The following GPR160 variants were observed in gnomAD, a reference collection of about 807,000 sequenced individuals.
GPR160 encodes G protein-coupled receptor 160.
In GPR160, 2 loss-of-function variants were observed where a neutral mutation model predicts 2.6. The observed-to-expected ratio is 0.77, with a 90% CI of 0.32 to 2.44. GPR160 has a LOEUF of 2.44. Ranked by LOEUF, GPR160 falls within the 30% of genes most tolerant of loss-of-function variation. The pLI is 0.11. For missense variants in GPR160, 351 were observed against 383.6 expected (o/e 0.91, Z 0.71); for synonymous variants, 130 against 132.2 (o/e 0.98, Z 0.12).
Position 170,084,602 on chromosome 3 carries a change from T to TATCA in GPR160, c.631_634dup (p.Arg212AsnfsTer9), listed in dbSNP as rs746801516. 18 of 1,612,986 alleles carry TATCA rather than the reference T, an allele frequency of 1.1e-5. No homozygotes were observed. The highest frequency in any genetic ancestry group is 1.4e-5 in the Non-Finnish European group (17 of 1,179,078). ...AAGAAGTTACTACTTTGGTACAGGC[T>TATCA]ATCAGGATAACTTCCTATATGAATG... On this transcript the variant is annotated frameshift_variant, in exon 4 of 4. Transcript: ENST00000355897. LOFTEE classifies it low-confidence loss of function (END_TRUNC).
chr3:170,062,605 A>C, intron 2 of GPR160: 1 of 1,238,866 alleles, frequency 8.1e-7, no homozygotes, highest in Non-Finnish European at 1.2e-6. Context: ...GTGAAGCAGC[A>C]GAACTTCCAA....
At chr3:170,070,262 C>T (rs1712528240) in intron 2 of GPR160, among the ~76,000 whole-genome samples, 6 of 152,110 alleles carry the variant, frequency 3.9e-5, no homozygotes. Context: ...AAATTGTAAT[C>T]CTATAGAGCA....
intron 2 of GPR160, among the ~76,000 whole-genome samples, chr3:170,052,484 T>A (rs771077200): frequency 5.3e-5 from 8 of 152,276 alleles, no homozygotes; most frequent in Admixed American, 1.3e-4. Context: ...TAACTAATGA[T>A]GTTGAGTACC....
At chr3:170,049,027 T>G (rs1286952151) in intron 2 of GPR160, among the ~76,000 whole-genome samples, 2 of 152,220 alleles carry the variant, frequency 1.3e-5, no homozygotes. Flanking sequence ...ACGTACATTT[T>G]TCCTATTTCC....
intron 2 of GPR160, chr3:170,063,021 A>G (rs1018388514): frequency 1.0e-5 from 2 of 191,700 alleles, no homozygotes; most frequent in African/African-American, 4.7e-5. Flanking sequence ...ACCGCACTCC[A>G]TCCTGGGAGG....
chr3:170,085,033 A>G lies in GPR160; in HGVS notation c.*44A>G. On this transcript the variant is annotated 3_prime_UTR_variant, in exon 4 of 4. Coordinates refer to ENST00000355897, the MANE Select transcript of GPR160 (RefSeq NM_014373.3). ...ACAGCTGTCATAAGATCATAATTTT[A>G]TGAACAGAAAGAACTCAGGACATAT... The G allele has an allele frequency of 9.1e-7, 1 of 1,094,664 alleles. No individual in the cohort carries two copies. Among genetic ancestry groups the G allele is most frequent in the Non-Finnish European group, 1.3e-6 (1 of 780,286 alleles). The allele number at this position is 1,094,664 out of a possible 1,614,324, so 67.8% of individuals were successfully genotyped here.
intron 2 of GPR160, among the ~76,000 whole-genome samples, chr3:170,049,425 T>G (rs188233790): frequency 6.6e-6 from 1 of 152,352 alleles, no homozygotes; most frequent in East Asian, 1.9e-4. Flanking sequence ...AGTGAACTGC[T>G]TCCGCAGTAA....
chr3:170,052,079 C>T (rs568507039), intron 2 of GPR160, among the ~76,000 whole-genome samples: 32 of 152,302 alleles, frequency 2.1e-4, no homozygotes, highest in African/African-American at 7.5e-4. Context: ...GTGCACGCCA[C>T]CATGCTCAGC....
intron 3 of GPR160, among the ~76,000 whole-genome samples, chr3:170,081,241 C>G (rs979151302): frequency 7.9e-5 from 12 of 151,326 alleles, no homozygotes; most frequent in Non-Finnish European, 1.6e-4. Flanking sequence ...GCTTCTTTAT[C>G]CAAGCAACAC....
In GPR160 at chr3:170,085,273, CTGA is replaced by C. The variant is rs1713377388; in HGVS notation, c.*287_*289del. The stretch of plus-strand genomic sequence containing the variant: ...TGATAAGAGTTAACATTTGGCTATA[CTGA>C]TGTTTGTGTTACTCAAAAAAACTAC... On this transcript the variant is annotated 3_prime_UTR_variant, in exon 4 of 4. Transcript: ENST00000355897. 1 of 208,092 alleles carries C rather than the reference CTGA, an allele frequency of 4.8e-6. No homozygotes were observed. Among genetic ancestry groups the C allele is most frequent in the Non-Finnish European group, 1.0e-5 (1 of 96,168 alleles). 12.9% of individuals were successfully genotyped at this position (208,092 alleles called of 1,614,324 possible).
At chr3:170,052,803 G>C (rs1264533367) in intron 2 of GPR160, among the ~76,000 whole-genome samples, 1 of 150,692 alleles carries the variant, frequency 6.6e-6, no homozygotes, top group Non-Finnish European at 1.5e-5. Context: ...TTACTCTAAG[G>C]TTGCAAACAT....
chr3:170,054,903 C>T (rs1413790976), intron 2 of GPR160, among the ~76,000 whole-genome samples: 1 of 151,850 alleles, frequency 6.6e-6, no homozygotes, highest in African/African-American at 2.4e-5. Flanking sequence ...AAGTGATTCT[C>T]CTGCCTCAGC....
chr3:170,043,117 G>A (rs1453459656), intron 2 of GPR160, among the ~76,000 whole-genome samples: 1 of 151,914 alleles, frequency 6.6e-6, no homozygotes, highest in East Asian at 1.9e-4. Context: ...TACTGACCTC[G>A]TGATCTGCCC....
rs1338412404 is a variant in GPR160, at chr3:170,084,202, T to C, written c.230T>C (p.Leu77Ser). 1.3e-6 allele frequency: 2 copies of C among 1,595,096 alleles called. No individual in the cohort carries two copies. The highest frequency in any genetic ancestry group is 1.7e-6 in the Non-Finnish European group (2 of 1,169,394). Residue 77 changes from leucine (L) to serine (S), a missense_variant, in exon 4 of 4, where the codon TTG becomes TCG. Physicochemically the swap from Leu to Ser is moderately radical, Grantham distance 145. Transcript: ENST00000355897. ...LLLLVNISIILYFRDFVLLSI... is the reference protein window; with the variant it reads ...LLLLVNISIISYFRDFVLLSI... ...CTTTTGGTAAACATTTCCATTATAT[T>C]GTATTTCAGGGATTTTGTACTTTTA...
intron 2 of GPR160, among the ~76,000 whole-genome samples, chr3:170,071,682 G>A (rs1259613999): frequency 5.9e-5 from 9 of 152,122 alleles, no homozygotes. Context: ...TGTAGTCCCA[G>A]CTACTCGGGA....
intron 2 of GPR160, among the ~76,000 whole-genome samples, chr3:170,066,246 T>G (rs1161062913): frequency 7.0e-6 from 1 of 142,970 alleles, no homozygotes; most frequent in Non-Finnish European, 1.5e-5. Context: ...GTTCACGCCA[T>G]TCTCCTGCCT....
rs773179424 is a variant in GPR160 at position 170,084,749 on chromosome 3, G to A, written c.777G>A (p.Gln259=). The change falls in exon 4 of 4, where the codon CAG becomes CAA. Residue 259 remains glutamine (Q), a synonymous_variant. Coordinates refer to ENST00000355897, the MANE Select transcript of GPR160 (RefSeq NM_014373.3). ...LSTWLPFVLL[Q]VIIVLLKVQI... is the part of the protein sequence containing the mutation. Reference sequence around the variant, plus strand: ...CCTGGTTACCATTTGTACTACTTCAGGTAATCATTGTTTTACTTAAAGTTC... The same window carrying A: ...CCTGGTTACCATTTGTACTACTTCAAGTAATCATTGTTTTACTTAAAGTTC... 6.2e-7 allele frequency: 1 copy of A among 1,609,110 alleles called. No individual in the cohort carries two copies.
chr3:170,065,553 G>A (rs972969112), intron 2 of GPR160, among the ~76,000 whole-genome samples: 1 of 152,136 alleles, frequency 6.6e-6, no homozygotes, highest in Non-Finnish European at 1.5e-5. Context: ...TTCTGATGAC[G>A]TATGCCTTTC....
intron 2 of GPR160, among the ~76,000 whole-genome samples, chr3:170,079,012 C>T (rs909086667): frequency 1.3e-5 from 2 of 151,944 alleles, no homozygotes; most frequent in Non-Finnish European, 1.5e-5. Flanking sequence ...TAGGCTTGTT[C>T]ACTTGTGTTG....
Sources: allele counts gnomAD v4.1 joint callset (sites outside exome capture counted in the v4.1 genomes callset), GRCh38; gene constraint gnomAD v4.1.1; transcripts MANE v1.5; gene names NCBI Gene and HGNC (gene_info 2026-07-23, HGNC 2026-07-21).